The following FAT1 variants were observed in gnomAD, a reference collection of about 807,000 sequenced individuals.
FAT1 encodes FAT atypical cadherin 1.
Under a neutral mutation model 329.8 loss-of-function variants are expected in FAT1, and 171 were observed. The observed-to-expected ratio is 0.52, with a 90% CI of 0.46 to 0.59. The LOEUF is 0.59. FAT1 is among the 20% of genes least tolerant of loss of function. FAT1 has a pLI of 0.00. For missense variants in FAT1, 5,672 were observed against 5,774.4 expected, an observed-to-expected ratio of 0.98 and a Z score of 0.57; for synonymous variants, 2,233 against 2,228.6, an observed-to-expected ratio of 1.00 and a Z score of -0.06.
chr4:186,637,935 T>A (rs1740910222), intron 4 of FAT1, among the ~76,000 whole-genome samples: 1 of 152,374 alleles, frequency 6.6e-6, no homozygotes, highest in Admixed American at 6.5e-5. Context: ...ATTACTATTT[T>A]AATTTTAAAC....
intron 6 of FAT1, among the ~76,000 whole-genome samples, chr4:186,635,189 C>T (rs1174478409): frequency 1.3e-5 from 2 of 151,986 alleles, no homozygotes; most frequent in African/African-American, 4.8e-5. Context: ...TTGGGGGCTT[C>T]GGGTTAGCAT....
upstream of FAT1, among the ~76,000 whole-genome samples, chr4:186,724,710 G>A (rs1318762229): frequency 6.6e-6 from 1 of 152,190 alleles, no homozygotes; most frequent in Non-Finnish European, 1.5e-5. This position sits in a 1 kb window ranked among gnomAD's most constrained non-coding sequence, Gnocchi z 5.3. Flanking sequence ...TGCGGGCAGG[G>A]CTCCAGCCGC....
At position 186,636,108 on chromosome 4, in the gene FAT1, A is replaced by C. The variant is rs1317170770; in HGVS notation, c.4100T>G (p.Val1367Gly). The change falls in exon 6 of 27, where the codon GTG (valine) becomes GGG (glycine). Residue 1367 changes from valine to glycine, a missense_variant. Coordinates refer to ENST00000441802, the MANE Select transcript of FAT1 (RefSeq NM_005245.4). The part of the protein sequence containing the change: ...SFEESFFTFT[V>G]MESDPVAHMI... ...GTGAGCAACGGGGTCACTTTCCATCACAGTAAAGGTAAAAAATGATTCTTC... is the reference window on the plus strand; with the variant it reads ...GTGAGCAACGGGGTCACTTTCCATCCCAGTAAAGGTAAAAAATGATTCTTC... The C allele has an allele frequency of 1.2e-6, 2 of 1,614,036 alleles. No homozygotes were observed. The highest frequency in any genetic ancestry group is 1.7e-6 in the Non-Finnish European group (2 of 1,179,898).
intron 3 of FAT1, among the ~76,000 whole-genome samples, chr4:186,651,088 T>C (rs1362822734): frequency 5.4e-5 from 8 of 149,012 alleles, no homozygotes; most frequent in African/African-American, 2.0e-4. Flanking sequence ...ATAAATTATT[T>C]GATGCTTCAT....
rs765327604 is a variant in FAT1, at chr4:186,621,244, T to C, written c.5342A>G (p.Asn1781Ser). The change falls in exon 10 of 27, where the codon AAC (asparagine) becomes AGC (serine). Residue 1781 changes from asparagine to serine, a missense_variant. This residue lies in a region of FAT1 where 3,966 missense variants were observed against 3,915.2 expected (regional missense o/e 1.01). Transcript: ENST00000441802. ...ATTCCTGTCTGTTAGGACCACGCTG[T>C]TAATTGAGGCTGATTCACTAATGAG... ...TGLISESASI[N>S]SVVLTDRNVP... The C allele has an allele frequency of 6.2e-7, 1 of 1,614,060 alleles. No homozygotes were observed. The highest frequency in any genetic ancestry group is 1.7e-5 in the Admixed American group (1 of 60,036).
rs913562613 is a variant in FAT1 at position 186,621,788 on chromosome 4, G to GA, written c.4811-14dup. The GA allele has an allele frequency of 1.3e-5, 19 of 1,502,204 alleles. No individual in the cohort carries two copies. Among genetic ancestry groups the GA allele is most frequent in the Non-Finnish European group, 1.6e-5 (18 of 1,122,752 alleles). The allele number at this position is 1,502,204 out of a possible 1,614,324, so 93.1% of individuals were successfully genotyped here. On this transcript the variant is annotated splice_polypyrimidine_tract_variant and intron_variant, in intron 9 of 26. Coordinates refer to ENST00000441802, the MANE Select transcript of FAT1 (RefSeq NM_005245.4). ...TTTCCAATATTTCCTGGAAGGAGAG[G>GA]AAAAAATACATGTTACAGAAAAACA...
chr4:186,602,577 G>C (rs1404741804), intron 20 of FAT1, among the ~76,000 whole-genome samples: 3 of 152,178 alleles, frequency 2.0e-5, no homozygotes, highest in Non-Finnish European at 4.4e-5. Context: ...GGAGGGAAAA[G>C]GCAACAGGGA....
chr4:186,646,565 T>C (rs1164236278), intron 3 of FAT1, among the ~76,000 whole-genome samples: 2 of 152,180 alleles, frequency 1.3e-5, no homozygotes, highest in African/African-American at 2.4e-5. Context: ...TCACCAATTA[T>C]GTCTGATCCT....
At chr4:186,686,394 A>G (rs1472843431) in intron 2 of FAT1, among the ~76,000 whole-genome samples, 1 of 152,172 alleles carries the variant, frequency 6.6e-6, no homozygotes, top group African/African-American at 2.4e-5. Flanking sequence ...TGAAGAATAA[A>G]ATATGTGTCA....
intron 9 of FAT1, among the ~76,000 whole-genome samples, chr4:186,623,352 T>C (rs990994155): frequency 6.6e-5 from 10 of 152,170 alleles, no homozygotes; most frequent in Non-Finnish European, 1.3e-4. Context: ...AAGATCCTTT[T>C]CTCATCCCAC....
chr4:186,645,041 C>A (rs1458443848), intron 3 of FAT1, among the ~76,000 whole-genome samples: 1 of 152,080 alleles, frequency 6.6e-6, no homozygotes, highest in African/African-American at 2.4e-5. Flanking sequence ...ACACAGAAAA[C>A]AGGAAGCAGG....
intron 2 of FAT1, among the ~76,000 whole-genome samples, chr4:186,688,111 G>T (rs1431907714): frequency 8.5e-6 from 1 of 117,666 alleles, no homozygotes; most frequent in African/African-American, 3.4e-5. Flanking sequence ...GAGACTCAAA[G>T]CTGAAAAAAA....
intron 13 of FAT1, among the ~76,000 whole-genome samples, chr4:186,612,891 A>T (rs1739519291): frequency 6.6e-6 from 1 of 152,236 alleles, no homozygotes; most frequent in Non-Finnish European, 1.5e-5. Context: ...AGAATTTTAG[A>T]GACCTCACAG....
At position 186,694,752 on chromosome 4, in the gene FAT1, C is replaced by A. The variant is rs181919353; in HGVS notation, c.3265+11811G>T. Among the ~76,000 whole-genome samples, 13 of 152,294 alleles carry A rather than the reference C, an allele frequency of 8.5e-5. No homozygotes were observed. In the East Asian group the frequency reaches 2.3e-3, roughly 27 times the overall value. On this transcript the variant is annotated intron_variant, in intron 2 of 26. Transcript: ENST00000441802. Reference sequence around the variant, plus strand: ...CTGAGGAAGGCAGATCACCTGAGGTCAGGAGTTCATGATCAGCTAGCCAAC... The same window carrying A: ...CTGAGGAAGGCAGATCACCTGAGGTAAGGAGTTCATGATCAGCTAGCCAAC...
At chr4:186,713,715 G>T in intron 1 of FAT1, among the ~76,000 whole-genome samples, 1 of 152,136 alleles carries the variant, frequency 6.6e-6, no homozygotes, top group Non-Finnish European at 1.5e-5. Context: ...GAGTGCAGTG[G>T]CGCGATCACG....
Position 186,657,020 on chromosome 4 carries a change from C to G in FAT1, c.3580+6279G>C, listed in dbSNP as rs141100775. Among the ~76,000 whole-genome samples, 284 of 152,108 alleles carry G rather than the reference C, an allele frequency of 1.9e-3. 1 individual carries two copies. The highest frequency in any genetic ancestry group is 6.3e-3 in the African/African-American group (262 of 41,484). The stretch of plus-strand genomic sequence containing the variant: ...GAATGCACTGGCAGTTGAAAGGACA[C>G]TAGACATCAGGCAAAGAAAGACAAG... On this transcript the variant is annotated intron_variant, in intron 3 of 26. Transcript: ENST00000441802.
rs1300566381 is a variant in FAT1 at position 186,597,174 on chromosome 4, G to A, written c.12369-3C>T. On this transcript the variant is annotated splice_polypyrimidine_tract_variant and splice_region_variant and intron_variant, in intron 24 of 26. Transcript: ENST00000441802. ...ACTCGTCGATATCACTCTGACACCT[G>A]CCAAGGAAGTCAGGAATGAGGAGAG... 2 of 1,595,346 alleles carry A rather than the reference G, an allele frequency of 1.3e-6. No individual in the cohort carries two copies. Among genetic ancestry groups the A allele is most frequent in the Non-Finnish European group, 1.7e-6 (2 of 1,170,580 alleles).
intron 1 of FAT1, among the ~76,000 whole-genome samples, chr4:186,714,029 A>C (rs1745092899): frequency 6.6e-6 from 1 of 152,152 alleles, no homozygotes. Flanking sequence ...CTCATGGATA[A>C]AGGACAATTT....
intron 4 of FAT1, 31 bp downstream of exon 4, chr4:186,639,691 T>A: frequency 6.9e-7 from 1 of 1,454,934 alleles, no homozygotes; most frequent in Non-Finnish European, 9.6e-7. Flanking sequence ...ACTACGAATC[T>A]TTAAGTATTA....
Sources: gnomAD v4.1 joint callset for allele counts (sites outside exome capture counted in the v4.1 genomes callset) on GRCh38, gnomAD v4.1.1 for gene constraint, gnomAD v4.1.1 regional missense constraint, Gnocchi (gnomAD v3.1) non-coding constraint, MANE v1.5 for transcripts, NCBI Gene and HGNC (gene_info 2026-07-23, HGNC 2026-07-21) for gene names.